Variants in FAM135B observed in about 807,000 individuals in gnomAD.
FAM135B encodes family with sequence similarity 135 member B, also known as protein FAM135B.
A neutral mutation model predicts 127.7 loss-of-function variants in FAM135B; 43 were observed. The ratio of observed to expected loss-of-function variants is 0.34; its 90% CI spans 0.26 to 0.43. FAM135B has a LOEUF of 0.43. FAM135B is among the 20% of genes least tolerant of loss of function. The pLI is 1.00. For missense variants in FAM135B, 1,558 were observed against 1,725.6 expected (o/e 0.90, Z 1.72); for synonymous variants, 670 against 665.1 (o/e 1.01, Z -0.11).
At chr8:138,220,263 G>A (rs1478089907) in intron 7 of FAM135B, among the ~76,000 whole-genome samples, 2 of 152,168 alleles carry the variant, frequency 1.3e-5, no homozygotes, top group Non-Finnish European at 2.9e-5. Context: ...GCCAGGAGTC[G>A]AGGATAGGCT....
At chr8:138,391,566 C>T (rs1832580310) in intron 1 of FAM135B, among the ~76,000 whole-genome samples, 1 of 152,160 alleles carries the variant, frequency 6.6e-6, no homozygotes, top group African/African-American at 2.4e-5. Flanking sequence ...CTCCAGATGA[C>T]TTCTCAAGCC....
At chr8:138,279,880 T>C (rs935097537) in intron 3 of FAM135B, among the ~76,000 whole-genome samples, 11 of 152,182 alleles carry the variant, frequency 7.2e-5, no homozygotes, top group Non-Finnish European at 8.8e-5. Context: ...TTAAATAAAA[T>C]AGATGCTCAA....
chr8:138,135,147 T>C (rs1357987962), intron 19 of FAM135B, among the ~76,000 whole-genome samples: 2 of 152,192 alleles, frequency 1.3e-5, no homozygotes, highest in Non-Finnish European at 2.9e-5. Context: ...AAACTTTATT[T>C]ACAAAATGAG....
At position 138,379,417 on chromosome 8, in the gene FAM135B, T is replaced by C. The variant is rs568058669; in HGVS notation, c.-19-11415A>G. ...AACATTATGGCTTTTCAATATATAG[T>C]GTATAATGCTAATATTAGAATAACT... is the stretch of plus-strand genomic sequence containing the variant. On this transcript the variant is annotated intron_variant, in intron 1 of 19. Transcript: ENST00000395297. Among the ~76,000 whole-genome samples, 4 of 152,268 alleles carry C rather than the reference T, an allele frequency of 2.6e-5. No individual in the cohort carries two copies. The East Asian group carries it at 5.8e-4, about 22-fold the overall frequency.
At chr8:138,313,624 T>C (rs1291018945) in intron 2 of FAM135B, among the ~76,000 whole-genome samples, 1 of 146,386 alleles carries the variant, frequency 6.8e-6, no homozygotes, top group South Asian at 2.2e-4. Context: ...CCACTTCGGC[T>C]CCCCAAAGTG....
intron 2 of FAM135B, among the ~76,000 whole-genome samples, chr8:138,365,206 A>G (rs1397380712): frequency 6.6e-6 from 1 of 152,170 alleles, no homozygotes; most frequent in Admixed American, 6.5e-5. Flanking sequence ...TTCTGGTTTT[A>G]GTTTATCCTA....
chr8:138,421,340 A>C (rs908754974), intron 1 of FAM135B, among the ~76,000 whole-genome samples: 1 of 152,160 alleles, frequency 6.6e-6, no homozygotes, highest in African/African-American at 2.4e-5. Flanking sequence ...AATAGGGAAA[A>C]GGTAAGACAA....
chr8:138,414,888 A>T (rs1193171125), intron 1 of FAM135B, among the ~76,000 whole-genome samples: 1 of 152,114 alleles, frequency 6.6e-6, no homozygotes, highest in African/African-American at 2.4e-5. Flanking sequence ...CTGTGTCCTC[A>T]TCCCTCATTC....
chr8:138,242,700 A>G lies in FAM135B; in HGVS notation c.669+242T>C, dbSNP rs1316061782. On this transcript the variant is annotated intron_variant, in intron 7 of 19. Coordinates refer to ENST00000395297, the MANE Select transcript of FAM135B (RefSeq NM_015912.4). This position sits in a 1 kb window ranked among gnomAD's most constrained non-coding sequence, Gnocchi z 9.6. ...GAGAACCATATTCTTCCAAGAGACC[A>G]CATATAACAAGTATCATATGAAGAC... Among the ~76,000 whole-genome samples the G allele has an allele frequency of 2.0e-5, 3 of 152,170 alleles. No individual in the cohort carries two copies. Among genetic ancestry groups the G allele is most frequent in the Non-Finnish European group, 4.4e-5 (3 of 68,030 alleles).
chr8:138,281,460 T>A (rs1368142135), intron 3 of FAM135B, among the ~76,000 whole-genome samples: 1 of 30,120 alleles, frequency 3.3e-5, no homozygotes, highest in African/African-American at 9.3e-5. Flanking sequence ...CCCCTTAGCA[T>A]CAGTTTAAAA....
At position 138,202,321 on chromosome 8, in the gene FAM135B, C is replaced by A. The variant is rs992087839; in HGVS notation, c.670-4652G>T. Among the ~76,000 whole-genome samples, 3 of 151,986 alleles carry A rather than the reference C, an allele frequency of 2.0e-5. No homozygotes were observed. The East Asian group carries it at 5.8e-4, about 30-fold the overall frequency. ...TTGGAGTACAGTGGCGCAATCATGG[C>A]TCATTGCAGCCTCGGCCTCCTAAGA... On this transcript the variant is annotated intron_variant, in intron 7 of 19. Coordinates refer to ENST00000395297, the MANE Select transcript of FAM135B (RefSeq NM_015912.4).
At chr8:138,179,440 C>T (rs984241038) in intron 9 of FAM135B, among the ~76,000 whole-genome samples, 1 of 152,174 alleles carries the variant, frequency 6.6e-6, no homozygotes, top group African/African-American at 2.4e-5. Context: ...TTACTGTGGC[C>T]ATCCAATTAC....
chr8:138,153,704 G>A (rs1818410357), intron 12 of FAM135B, among the ~76,000 whole-genome samples: 1 of 152,214 alleles, frequency 6.6e-6, no homozygotes, highest in South Asian at 2.1e-4. Flanking sequence ...ACAGCAGTCT[G>A]AGATCGAACT....
intron 1 of FAM135B, among the ~76,000 whole-genome samples, chr8:138,407,670 T>C (rs1833602391): frequency 1.3e-5 from 2 of 152,292 alleles, no homozygotes; most frequent in South Asian, 4.1e-4. Context: ...GGATTCCCTA[T>C]TTAATAAATG....
intron 1 of FAM135B, among the ~76,000 whole-genome samples, chr8:138,432,447 AAC>A (rs1219485184): frequency 1.3e-5 from 2 of 151,972 alleles, no homozygotes; most frequent in Non-Finnish European, 2.9e-5. Flanking sequence ...GTTCCCAAAC[AAC>A]AGTCTCTAAT....
rs147310615 is a variant in FAM135B, at chr8:138,385,005, A to T, written c.-19-17003T>A. Among the ~76,000 whole-genome samples the T allele has an allele frequency of 9.1e-3, 1,388 of 152,212 alleles. 24 individuals carry two copies. Among genetic ancestry groups the T allele is most frequent in the African/African-American group, 0.031 (1,292 of 41,534 alleles). On this transcript the variant is annotated intron_variant, in intron 1 of 19. Coordinates refer to ENST00000395297, the MANE Select transcript of FAM135B (RefSeq NM_015912.4). ...ACATCGGCCAACGCAGTCTGATATA[A>T]TCTGCTTCCCAGCTCTCCTGTGGAT...
At chr8:138,215,557 C>T (rs1818476805) in intron 7 of FAM135B, among the ~76,000 whole-genome samples, 1 of 152,186 alleles carries the variant, frequency 6.6e-6, no homozygotes, top group African/African-American at 2.4e-5. Flanking sequence ...AAGTCACTTT[C>T]AGTCTCTGAG....
chr8:138,391,047 C>G (rs1394143923), intron 1 of FAM135B, among the ~76,000 whole-genome samples: 1 of 152,114 alleles, frequency 6.6e-6, no homozygotes, highest in African/African-American at 2.4e-5. Context: ...TTCAGGGCAG[C>G]AGCAGATCAC....
intron 3 of FAM135B, among the ~76,000 whole-genome samples, chr8:138,290,225 C>T (rs2137351): frequency 1 from 152,159 of 152,282 alleles, 76,018 homozygotes; most frequent in Non-Finnish European, 1. Flanking sequence ...AGTGAAGGTG[C>T]GGTCGGAGAT....
Sources: gnomAD v4.1 joint callset for allele counts (sites outside exome capture counted in the v4.1 genomes callset) on GRCh38, gnomAD v4.1.1 for gene constraint, Gnocchi (gnomAD v3.1) non-coding constraint, MANE v1.5 for transcripts, NCBI Gene and HGNC (gene_info 2026-07-23, HGNC 2026-07-21) for gene names.